EYS: variants seen among roughly 807,000 people sequenced by gnomAD.
EYS encodes protein eyes shut homolog.
Under a neutral mutation model 282.1 loss-of-function variants are expected in EYS, and 250 were observed. The observed-to-expected ratio is 0.89, with a 90% CI of 0.80 to 0.98. The LOEUF (loss-of-function observed/expected upper bound fraction) is 0.98, where lower values mean the gene tolerates loss of function less well. Ranked by LOEUF, EYS falls within the 50% of genes least tolerant of loss-of-function variation. EYS has a pLI of 0.00. For synonymous variants in EYS, 1,355 were observed against 1,282.9 expected, an observed-to-expected ratio of 1.06 and a Z score of -1.20; for missense variants, 4,016 against 3,709.0, an observed-to-expected ratio of 1.08 and a Z score of -2.15.
chr6:65,079,529 A>C (rs1462553662), intron 12 of EYS, among the ~76,000 whole-genome samples: 1 of 152,096 alleles, frequency 6.6e-6, no homozygotes, highest in African/African-American at 2.4e-5. Flanking sequence ...AGACTAAGTT[A>C]GAAAAAAAGC....
chr6:64,582,310 A>G (rs1304612603), intron 26 of EYS, among the ~76,000 whole-genome samples: 1 of 152,150 alleles, frequency 6.6e-6, no homozygotes, highest in African/African-American at 2.4e-5. Flanking sequence ...CCCGTTGTGA[A>G]CTGCACATGT....
At chr6:65,087,810 G>A (rs1774428827) in intron 12 of EYS, among the ~76,000 whole-genome samples, 2 of 152,126 alleles carry the variant, frequency 1.3e-5, no homozygotes, top group Non-Finnish European at 2.9e-5. Context: ...ACATGTCTAA[G>A]CTCAATGATA....
intron 33 of EYS, among the ~76,000 whole-genome samples, chr6:64,048,060 C>T (rs543152471): frequency 1.4e-4 from 21 of 152,266 alleles, no homozygotes; most frequent in African/African-American, 5.1e-4. Flanking sequence ...TGCATGCCAT[C>T]ATGCCCGGCT....
At chr6:64,343,589 C>A (rs926797802) in intron 29 of EYS, among the ~76,000 whole-genome samples, 2 of 151,816 alleles carry the variant, frequency 1.3e-5, no homozygotes, top group Non-Finnish European at 2.9e-5. Flanking sequence ...CCACTAAATG[C>A]CCACAAGAGA....
At chr6:65,266,389 G>A (rs76593022) in intron 12 of EYS, among the ~76,000 whole-genome samples, 1,643 of 151,808 alleles carry the variant, frequency 0.011, 32 homozygotes, top group African/African-American at 0.038. Context: ...CTATGAAGGC[G>A]GAACTCCATA....
At chr6:63,902,686 C>A (rs1395564551) in intron 35 of EYS, among the ~76,000 whole-genome samples, 9 of 151,860 alleles carry the variant, frequency 5.9e-5, no homozygotes, top group Admixed American at 5.9e-4. Context: ...AATTAAGATG[C>A]ACATTGTAAT....
rs1769910185 is a variant in EYS at position 65,707,160 on chromosome 6, C to A, written c.-473G>T. The A allele has an allele frequency of 1.3e-5, 2 of 152,124 alleles. No individual in the cohort carries two copies. Among genetic ancestry groups the A allele is most frequent in the African/African-American group, 4.8e-5 (2 of 41,454 alleles). The allele number at this position is 152,124 out of a possible 1,614,324, so 9.4% of individuals were successfully genotyped here. ...CCCAACCATTAGCCAAGGAGGCTTG[C>A]AACCCTAGGAGGCTTCTGATTACGG... On this transcript the variant is annotated 5_prime_UTR_variant, in exon 1 of 43. Coordinates refer to ENST00000503581, the MANE Select transcript of EYS (RefSeq NM_001142800.2).
intron 22 of EYS, among the ~76,000 whole-genome samples, chr6:64,654,077 A>G (rs1047126208): frequency 6.6e-6 from 1 of 152,192 alleles, no homozygotes; most frequent in South Asian, 2.1e-4. Context: ...TATTTACCTT[A>G]AGATGTTTTA....
chr6:65,403,817 A>G (rs904976526), intron 6 of EYS, among the ~76,000 whole-genome samples: 4 of 152,082 alleles, frequency 2.6e-5, no homozygotes, highest in Admixed American at 2.6e-4. Flanking sequence ...GATTCTTTTA[A>G]CTAGTAAAGT....
At chr6:64,301,734 T>C (rs1367768766) in intron 30 of EYS, among the ~76,000 whole-genome samples, 1 of 152,210 alleles carries the variant, frequency 6.6e-6, no homozygotes, top group Admixed American at 6.5e-5. Flanking sequence ...CCTTCAGTTC[T>C]TATCTGGTAC....
rs543208608 is a variant in EYS at position 63,957,331 on chromosome 6, C to T, written c.7055+27052G>A. Among the ~76,000 whole-genome samples, 25 of 140,886 alleles carry T rather than the reference C, an allele frequency of 1.8e-4. 4 individuals carry two copies. In the Admixed American group the frequency reaches 1.8e-3, roughly 10 times the overall value. The allele number at this position is 140,886 out of a possible 152,430, so 92.4% of individuals were successfully genotyped here. On this transcript the variant is annotated intron_variant, in intron 35 of 42. Transcript: ENST00000503581. ...AGAGCTGGAACAACAAGGCAGAGTG[C>T]AACCTTGTTTGGCCTCAGCTCAGAG...
intron 35 of EYS, among the ~76,000 whole-genome samples, chr6:63,924,963 G>T (rs991112394): frequency 6.6e-6 from 1 of 152,106 alleles, no homozygotes; most frequent in African/African-American, 2.4e-5. Context: ...ACCACTACCC[G>T]CAACATTGAC....
intron 31 of EYS, among the ~76,000 whole-genome samples, chr6:64,131,283 A>G (rs1337900263): frequency 6.6e-6 from 1 of 152,224 alleles, no homozygotes; most frequent in Non-Finnish European, 1.5e-5. Flanking sequence ...AGTATTTACT[A>G]TGTGCACAGT....
intron 1 of EYS, among the ~76,000 whole-genome samples, chr6:65,681,949 CCAATCAG>C (rs1361523720): frequency 9.9e-5 from 15 of 151,854 alleles, no homozygotes; most frequent in Non-Finnish European, 1.9e-4. Context: ...TTGGTAAGTG[CCAATCAG>C]CAAACACAGC....
At chr6:64,833,654 A>T (rs2150029785) in intron 19 of EYS, among the ~76,000 whole-genome samples, 1 of 152,068 alleles carries the variant, frequency 6.6e-6, no homozygotes, top group Middle Eastern at 3.4e-3. Context: ...TTTGAATCAA[A>T]GTAGCTTGTA....
intron 26 of EYS, among the ~76,000 whole-genome samples, chr6:64,496,897 A>G (rs1277615326): frequency 2.0e-5 from 3 of 152,058 alleles, no homozygotes; most frequent in African/African-American, 7.2e-5. Flanking sequence ...AGTTGTCCAC[A>G]TAATTTAGTT....
intron 28 of EYS, among the ~76,000 whole-genome samples, chr6:64,414,920 G>C (rs1184148977): frequency 1.3e-5 from 2 of 152,112 alleles, no homozygotes; most frequent in African/African-American, 4.8e-5. Context: ...TGAATATTGA[G>C]ATACAGAAGA....
intron 2 of EYS, among the ~76,000 whole-genome samples, chr6:65,575,468 AT>A (rs1764632271): frequency 6.6e-6 from 1 of 151,780 alleles, no homozygotes; most frequent in Non-Finnish European, 1.5e-5. Context: ...AAGTTTAGTA[AT>A]AAATGTCTAC....
chr6:63,937,489 T>C (rs1268435699), intron 35 of EYS, among the ~76,000 whole-genome samples: 1 of 149,314 alleles, frequency 6.7e-6, no homozygotes, highest in East Asian at 2.0e-4. Context: ...CACGCCATTC[T>C]CCTGCCTCAG....
Sources: allele counts gnomAD v4.1 joint callset (sites outside exome capture counted in the v4.1 genomes callset), GRCh38; gene constraint gnomAD v4.1.1; transcripts MANE v1.5; gene names NCBI Gene and HGNC (gene_info 2026-07-23, HGNC 2026-07-21).